The following ADIPOR2 variants were observed in gnomAD, a reference collection of about 807,000 sequenced individuals.
ADIPOR2 encodes adiponectin receptor 2, also known as adiponectin receptor protein 2.
Under a neutral mutation model 40.9 loss-of-function variants are expected in ADIPOR2, and 18 were observed. The observed-to-expected ratio is 0.44, with a 90% CI of 0.30 to 0.65. The LOEUF (loss-of-function observed/expected upper bound fraction) is 0.65, where lower values mean the gene tolerates loss of function less well. ADIPOR2 is among the 30% of genes least tolerant of loss of function. ADIPOR2 has a pLI of 0.09. For missense variants in ADIPOR2, 283 were observed against 479.2 expected (o/e 0.59, Z 3.82); for synonymous variants, 165 against 166.4 (o/e 0.99, Z 0.06).
intron 1 of ADIPOR2, among the ~76,000 whole-genome samples, chr12:1,718,905 A>G (rs1369301775): frequency 6.6e-6 from 1 of 152,238 alleles, no homozygotes. Context: ...GGGGGAAAAA[A>G]GAAGTGTAGT....
intron 1 of ADIPOR2, among the ~76,000 whole-genome samples, chr12:1,703,698 CAG>C (rs1017382869): frequency 1.3e-5 from 2 of 151,830 alleles, no homozygotes; most frequent in Admixed American, 1.3e-4. Context: ...GTCTGGGTGA[CAG>C]AGTGAAACTC....
intron 2 of ADIPOR2, 23 bp downstream of exon 2, chr12:1,754,537 T>A: frequency 1.9e-6 from 3 of 1,579,088 alleles, no homozygotes; most frequent in South Asian, 2.4e-5. Context: ...GGAAGAATGA[T>A]AAACAAAGGA....
At chr12:1,733,367 T>C (rs1166799755) in intron 1 of ADIPOR2, among the ~76,000 whole-genome samples, 1 of 152,180 alleles carries the variant, frequency 6.6e-6, no homozygotes, top group East Asian at 1.9e-4. Context: ...TGCTCCCTTA[T>C]ATATAGGTGG....
At chr12:1,770,904 G>A (rs1862481134) in intron 2 of ADIPOR2, among the ~76,000 whole-genome samples, 1 of 152,174 alleles carries the variant, frequency 6.6e-6, no homozygotes, top group Non-Finnish European at 1.5e-5. Flanking sequence ...ATGAAAATTG[G>A]TTCTTGGTGG....
At chr12:1,692,144 A>G (rs1439386359) in intron 1 of ADIPOR2, among the ~76,000 whole-genome samples, 11 of 151,982 alleles carry the variant, frequency 7.2e-5, no homozygotes, top group Admixed American at 7.2e-4. Context: ...AACGCCAAGA[A>G]AGCTGTCATA....
intron 1 of ADIPOR2, among the ~76,000 whole-genome samples, chr12:1,738,209 CAA>C (rs56395738): frequency 9.2e-4 from 79 of 85,582 alleles, no homozygotes; most frequent in Admixed American, 1.3e-3. Flanking sequence ...CCTGTCTCTA[CAA>C]AAAAAAAAAA....
At chr12:1,713,077 C>T (rs541497689) in intron 1 of ADIPOR2, among the ~76,000 whole-genome samples, 1 of 152,064 alleles carries the variant, frequency 6.6e-6, no homozygotes, top group Non-Finnish European at 1.5e-5. Flanking sequence ...CAGTGCCTGA[C>T]CAAACAGGTG....
At chr12:1,784,114 A>T in intron 7 of ADIPOR2, 41 bp downstream of exon 7, 1 of 1,480,542 alleles carries the variant, frequency 6.8e-7, no homozygotes, top group Non-Finnish European at 9.0e-7. Context: ...GTATCTGCTC[A>T]TGAGTTATTG....
chr12:1,780,539 T>C lies in ADIPOR2; in HGVS notation c.552T>C (p.Phe184=). ...FVAPLQEKVV[F]GLFFLGAILC... ...CCCCTCTGCAAGAGAAGGTGGTCTTTGGATTATTTTTCTTAGGAGCCATTC... is the reference window on the plus strand; with the variant it reads ...CCCCTCTGCAAGAGAAGGTGGTCTTCGGATTATTTTTCTTAGGAGCCATTC... Residue 184 remains phenylalanine, a synonymous_variant, in exon 5 of 8, where the codon TTT becomes TTC. Transcript: ENST00000357103. The C allele has an allele frequency of 6.2e-7, 1 of 1,614,020 alleles. No individual in the cohort carries two copies. The highest frequency in any genetic ancestry group is 8.5e-7 in the Non-Finnish European group (1 of 1,179,944).
intron 2 of ADIPOR2, among the ~76,000 whole-genome samples, chr12:1,763,071 C>T (rs1316383833): frequency 3.3e-5 from 5 of 152,184 alleles, no homozygotes; most frequent in Non-Finnish European, 5.9e-5. Context: ...AGTTAGATTA[C>T]GTTTACCTGT....
At chr12:1,748,478 G>C (rs905087310) in intron 1 of ADIPOR2, among the ~76,000 whole-genome samples, 3 of 152,026 alleles carry the variant, frequency 2.0e-5, no homozygotes, top group Non-Finnish European at 4.4e-5. Flanking sequence ...TCAATCTCCT[G>C]ACCTTGTGAT....
chr12:1,744,098 C>CT (rs34185605), intron 1 of ADIPOR2, among the ~76,000 whole-genome samples: 19,151 of 146,882 alleles, frequency 0.13, 1,561 homozygotes, highest in East Asian at 0.28. Context: ...CTTGAAAAGT[C>CT]TTTTTTTTTT....
At chr12:1,704,758 G>A (rs1194311236) in intron 1 of ADIPOR2, among the ~76,000 whole-genome samples, 1 of 152,100 alleles carries the variant, frequency 6.6e-6, no homozygotes, top group Non-Finnish European at 1.5e-5. Context: ...CCTCTTAAGA[G>A]GGTTTTTATT....
intron 6 of ADIPOR2, 145 bp downstream of exon 6, chr12:1,781,221 G>T (rs563073836): frequency 1.8e-4 from 156 of 886,798 alleles, no homozygotes; most frequent in Non-Finnish European, 2.1e-4. Flanking sequence ...ATTGTTGGGG[G>T]TTTTTTTATG....
At chr12:1,695,960 T>G (rs2094637973) in intron 1 of ADIPOR2, 1 of 153,180 alleles carries the variant, frequency 6.5e-6, no homozygotes, top group Admixed American at 6.6e-5. Flanking sequence ...ATCAAAGTTC[T>G]TCTTTTTTCT....
chr12:1,695,156 C>T (rs550063758), intron 1 of ADIPOR2, among the ~76,000 whole-genome samples: 1 of 152,030 alleles, frequency 6.6e-6, no homozygotes, highest in African/African-American at 2.4e-5. Flanking sequence ...GTTAGGGTTA[C>T]AGACATGAGC....
intron 6 of ADIPOR2, among the ~76,000 whole-genome samples, chr12:1,783,654 C>G (rs1175166564): frequency 6.6e-6 from 1 of 152,160 alleles, no homozygotes; most frequent in Non-Finnish European, 1.5e-5. Context: ...CCACTGCACC[C>G]GGCTGGCTCC....
chr12:1,758,412 A>G (rs1458856895), intron 2 of ADIPOR2, among the ~76,000 whole-genome samples: 1 of 152,242 alleles, frequency 6.6e-6, no homozygotes, highest in Non-Finnish European at 1.5e-5. Context: ...GTTAGAGCTG[A>G]AAAGGCCTTC....
intron 1 of ADIPOR2, among the ~76,000 whole-genome samples, chr12:1,729,315 CTT>C (rs1193117896): frequency 2.0e-5 from 3 of 151,962 alleles, no homozygotes; most frequent in Non-Finnish European, 4.4e-5. Context: ...ACTTTCTTGA[CTT>C]GTCATAACTT....
Sources: gnomAD v4.1 joint callset for allele counts (sites outside exome capture counted in the v4.1 genomes callset) on GRCh38, gnomAD v4.1.1 for gene constraint, MANE v1.5 for transcripts, NCBI Gene and HGNC (gene_info 2026-07-23, HGNC 2026-07-21) for gene names.